The following SMAP1 variants were observed in gnomAD, a reference collection of about 807,000 sequenced individuals.
SMAP1 encodes the protein stromal membrane-associated protein 1.
A neutral mutation model predicts 58.5 loss-of-function variants in SMAP1; 24 were observed. That is an observed-to-expected ratio of 0.41 (90% CI 0.30 to 0.58). SMAP1 has a LOEUF of 0.58. Among genes scored for constraint, SMAP1 ranks in the 20% least tolerant of loss-of-function variants. The pLI is 0.29. For missense variants in SMAP1, 563 were observed against 566.3 expected, an observed-to-expected ratio of 0.99 and a Z score of 0.06; for synonymous variants, 216 against 196.6, an observed-to-expected ratio of 1.10 and a Z score of -0.82.
intron 1 of SMAP1, among the ~76,000 whole-genome samples, chr6:70,678,398 T>A (rs572329469): frequency 6.6e-6 from 1 of 152,352 alleles, no homozygotes; most frequent in East Asian, 1.9e-4. Context: ...GAAAAATTCA[T>A]AAAAATTATG....
intron 2 of SMAP1, among the ~76,000 whole-genome samples, chr6:70,748,904 A>C (rs1463115172): frequency 6.6e-6 from 1 of 152,078 alleles, no homozygotes; most frequent in Non-Finnish European, 1.5e-5. Context: ...ACACAGACTT[A>C]TAGTTGGCAT....
chr6:70,831,279 T>C (rs1220626963), intron 6 of SMAP1, among the ~76,000 whole-genome samples: 1 of 152,150 alleles, frequency 6.6e-6, no homozygotes, highest in Non-Finnish European at 1.5e-5. Flanking sequence ...TTTTAACTTT[T>C]ATTCTAGGTT....
At chr6:70,779,617 G>A (rs981382462) in intron 4 of SMAP1, among the ~76,000 whole-genome samples, 1 of 152,102 alleles carries the variant, frequency 6.6e-6, no homozygotes, top group South Asian at 2.1e-4. Flanking sequence ...GCCTATCTTG[G>A]CTAGCTGCAT....
intron 3 of SMAP1, among the ~76,000 whole-genome samples, chr6:70,756,824 A>C (rs1418186333): frequency 9.2e-5 from 14 of 151,982 alleles, no homozygotes; most frequent in African/African-American, 2.4e-4. Context: ...ATGTGAAGGA[A>C]CTCTTCAAGG....
Position 70,861,755 on chromosome 6 carries a change from G to A in SMAP1, c.*1421G>A, listed in dbSNP as rs1185350617. On this transcript the variant is annotated 3_prime_UTR_variant, in exon 11 of 11. Coordinates refer to ENST00000370455, the MANE Select transcript of SMAP1 (RefSeq NM_001044305.3). ...CGAGTGTGCCACACGAGAACCTGAA[G>A]GGGAAGGAAATAGCTTGGGTAGCGC... 3 of 1,613,964 alleles carry A rather than the reference G, an allele frequency of 1.9e-6. No individual in the cohort carries two copies. The African/African-American group carries it at 4.0e-5, about 22-fold the overall frequency.
chr6:70,757,025 GT>G (rs1766521349), intron 3 of SMAP1, among the ~76,000 whole-genome samples: 1 of 152,060 alleles, frequency 6.6e-6, no homozygotes, highest in Non-Finnish European at 1.5e-5. Flanking sequence ...CTACTTTAAA[GT>G]TCATATGGAA....
intron 1 of SMAP1, among the ~76,000 whole-genome samples, chr6:70,710,972 T>G (rs1768034627): frequency 6.6e-6 from 1 of 152,160 alleles, no homozygotes; most frequent in Admixed American, 6.5e-5. Flanking sequence ...CTTCACATCC[T>G]ATCCCATGGA....
intron 2 of SMAP1, among the ~76,000 whole-genome samples, chr6:70,745,597 T>G (rs555641561): frequency 6.6e-6 from 1 of 152,360 alleles, no homozygotes; most frequent in African/African-American, 2.4e-5. Context: ...TAGTTTGAAG[T>G]CAGGTAGTGT....
intron 1 of SMAP1, among the ~76,000 whole-genome samples, chr6:70,683,311 A>G (rs1766803002): frequency 6.6e-6 from 1 of 151,560 alleles, no homozygotes; most frequent in Non-Finnish European, 1.5e-5. Context: ...CTGGGATTAC[A>G]GGTGCCCGCC....
chr6:70,857,094 A>C, intron 9 of SMAP1, 64 bp downstream of exon 9: 1 of 1,429,352 alleles, frequency 7.0e-7, no homozygotes, highest in Non-Finnish European at 9.4e-7. Context: ...TAATTATATA[A>C]TAAGATCAAT....
At chr6:70,760,027 A>C (rs1336814513) in intron 3 of SMAP1, 3 of 239,398 alleles carry the variant, frequency 1.3e-5, no homozygotes. Context: ...CTATTAAGAA[A>C]CTTCCTAAAG....
chr6:70,698,037 A>T (rs1582020614), intron 1 of SMAP1, among the ~76,000 whole-genome samples: 2 of 152,104 alleles, frequency 1.3e-5, no homozygotes, highest in East Asian at 3.9e-4. Context: ...GCTCGTTAAC[A>T]TCATTTTCTT....
intron 6 of SMAP1, among the ~76,000 whole-genome samples, chr6:70,835,489 G>A (rs1562194070): frequency 6.6e-6 from 1 of 152,016 alleles, no homozygotes; most frequent in African/African-American, 2.4e-5. Flanking sequence ...ATGAATGAAT[G>A]TTTTCTTTAT....
At chr6:70,825,408 A>T (rs1028068039) in intron 6 of SMAP1, among the ~76,000 whole-genome samples, 2 of 152,042 alleles carry the variant, frequency 1.3e-5, no homozygotes, top group Admixed American at 1.3e-4. Flanking sequence ...AATAAGTGGT[A>T]TTATCAAAAA....
At chr6:70,750,888 T>TA (rs1328258682) in intron 2 of SMAP1, among the ~76,000 whole-genome samples, 1 of 152,180 alleles carries the variant, frequency 6.6e-6, no homozygotes, top group Non-Finnish European at 1.5e-5. Context: ...TCTGGGAACA[T>TA]ACGTTAAATG....
intron 3 of SMAP1, among the ~76,000 whole-genome samples, chr6:70,771,702 C>T (rs1767323290): frequency 6.6e-6 from 1 of 152,168 alleles, no homozygotes; most frequent in African/African-American, 2.4e-5. Context: ...CTTTGCGCTT[C>T]CCGAGTGAGG....
intron 6 of SMAP1, among the ~76,000 whole-genome samples, chr6:70,815,024 C>T (rs1310281655): frequency 6.6e-6 from 1 of 152,026 alleles, no homozygotes; most frequent in Non-Finnish European, 1.5e-5. Flanking sequence ...AGACTGGAGC[C>T]CAGCTTTTAA....
At chr6:70,783,295 C>G (rs979096250) in intron 4 of SMAP1, among the ~76,000 whole-genome samples, 2 of 152,250 alleles carry the variant, frequency 1.3e-5, no homozygotes, top group Admixed American at 1.3e-4. Flanking sequence ...ACCAGAAACC[C>G]ATCTGTACGT....
intron 3 of SMAP1, among the ~76,000 whole-genome samples, chr6:70,764,433 A>G (rs1766876402): frequency 6.6e-6 from 1 of 152,216 alleles, no homozygotes; most frequent in Admixed American, 6.5e-5. Context: ...GCTTCAAGAC[A>G]GGCTGACTTT....
Sources: gnomAD v4.1 joint callset for allele counts (sites outside exome capture counted in the v4.1 genomes callset) on GRCh38, gnomAD v4.1.1 for gene constraint, MANE v1.5 for transcripts, NCBI Gene and HGNC (gene_info 2026-07-23, HGNC 2026-07-21) for gene names.